Variants in EVC2 observed in about 807,000 individuals in gnomAD.
EVC2 encodes the protein limbin.
EVC2 carries 148 observed loss-of-function variants against 149.3 expected under a neutral mutation model. That is an observed-to-expected ratio of 0.99 (90% CI 0.87 to 1.14). The LOEUF is 1.14. EVC2 is among the 50% of genes most tolerant of loss of function. The probability of loss-of-function intolerance (pLI) is 0.00; values close to 1 mark genes in which losing one functional copy is unlikely to be tolerated. For synonymous variants in EVC2, 776 were observed against 649.9 expected (o/e 1.19, Z -2.95); for missense variants, 1,854 against 1,627.3 (o/e 1.14, Z -2.40).
Position 5,615,392 on chromosome 4 carries a change from G to C in EVC2, c.2829+30C>G, listed in dbSNP as rs1560166290. On this transcript the variant is annotated intron_variant, in intron 16 of 21. Transcript: ENST00000344408. ...AGAGCAGCCCCGCCATGTGCAGAGA[G>C]AAACAGCTGGGTGAAGCAGATGTAC... The C allele has an allele frequency of 2.5e-6, 4 of 1,614,088 alleles. No individual in the cohort carries two copies. In the Admixed American group the frequency reaches 5.0e-5, roughly 20 times the overall value.
intron 8 of EVC2, among the ~76,000 whole-genome samples, chr4:5,664,442 C>T (rs1194659076): frequency 6.6e-6 from 1 of 152,134 alleles, no homozygotes; most frequent in African/African-American, 2.4e-5. Context: ...TATGATCTGC[C>T]TTAATCTCTG....
chr4:5,570,231 C>G (rs1375272289), intron 19 of EVC2, among the ~76,000 whole-genome samples: 2 of 152,218 alleles, frequency 1.3e-5, no homozygotes, highest in Non-Finnish European at 2.9e-5. Context: ...GGGTGACCAA[C>G]AGACATTTGT....
Position 5,622,676 on chromosome 4 carries a change from C to A in EVC2, c.2362G>T (p.Ala788Ser). Residue 788 changes from alanine to serine, a missense_variant, in exon 14 of 22, where the codon GCC becomes TCC. Transcript: ENST00000344408. This position sits in a 1 kb window ranked among gnomAD's most constrained non-coding sequence, Gnocchi z 5.8. ...EEHGKEMAAR[A>S]EQLEGEERDR... ...CTCTCCTCCCCCTCCAGCTGCTCGG[C>A]CCGTGCAGCCATCTCCTTGCCGTGC... 2 of 1,614,132 alleles carry A rather than the reference C, an allele frequency of 1.2e-6. No individual in the cohort carries two copies. Among genetic ancestry groups the A allele is most frequent in the South Asian group, 1.1e-5 (1 of 91,072 alleles).
chr4:5,587,537 T>C (rs1308830139), intron 16 of EVC2, among the ~76,000 whole-genome samples: 3 of 152,214 alleles, frequency 2.0e-5, no homozygotes, highest in South Asian at 2.1e-4. Flanking sequence ...TAAGTACCCA[T>C]GTAGTTACCA....
chr4:5,543,286 C>G (rs1318649903), intron 21 of EVC2: 1 of 1,016,924 alleles, frequency 9.8e-7, no homozygotes, highest in African/African-American at 1.7e-5. Flanking sequence ...CACCATCCAC[C>G]CCAAGCCGGC....
At chr4:5,541,724 T>C (rs958294898), downstream of EVC2, among the ~76,000 whole-genome samples, 1 of 152,170 alleles carries the variant, frequency 6.6e-6, no homozygotes, top group African/African-American at 2.4e-5. Flanking sequence ...AGGTCAGTTA[T>C]CATCTCTGAG....
upstream of EVC2, chr4:5,708,826 T>G: frequency 3.7e-6 from 1 of 268,700 alleles, no homozygotes; most frequent in Non-Finnish European, 6.9e-6. Flanking sequence ...CGCTACCGCC[T>G]ACCTGGGTCT....
chr4:5,650,986 G>C (rs1278112400), intron 9 of EVC2, among the ~76,000 whole-genome samples: 1 of 152,104 alleles, frequency 6.6e-6, no homozygotes, highest in Non-Finnish European at 1.5e-5. Context: ...ATTTTTTACA[G>C]CACAGAAAAG....
At chr4:5,553,230 G>A (rs1721773968) in intron 21 of EVC2, among the ~76,000 whole-genome samples, 1 of 152,146 alleles carries the variant, frequency 6.6e-6, no homozygotes, top group African/African-American at 2.4e-5. Context: ...CCAGGAGCAG[G>A]AGCAAGTGGA....
In EVC2 at chr4:5,584,745, T is replaced by C; in HGVS notation, c.2935A>G (p.Thr979Ala). 6.2e-7 allele frequency: 1 copy of C among 1,614,116 alleles called. No homozygotes were observed. Among genetic ancestry groups the C allele is most frequent in the South Asian group, 1.1e-5 (1 of 91,072 alleles). Residue 979 changes from threonine to alanine, a missense_variant, in exon 17 of 22, where the codon ACC becomes GCC. By Grantham distance (58) the Thr-to-Ala change is moderately conservative. Transcript: ENST00000344408. ...GCGGTGTAGGCCGACAGAGTCTCGG[T>C]CACCCGGGACGCCTTCTGGAACTGC... ...ALQFQKASRVTETLSAYTALL... is the reference protein window; with the variant it reads ...ALQFQKASRVAETLSAYTALL...
At chr4:5,565,172 C>T in intron 21 of EVC2, 86 bp downstream of exon 21, 1 of 1,310,560 alleles carries the variant, frequency 7.6e-7, no homozygotes, top group South Asian at 1.2e-5. Context: ...ACCTCCTTTC[C>T]TTGTCACCTC....
At chr4:5,617,967 G>A (rs1003609430) in intron 15 of EVC2, among the ~76,000 whole-genome samples, 59 of 152,160 alleles carry the variant, frequency 3.9e-4, no homozygotes, top group African/African-American at 1.4e-3. Flanking sequence ...CCAAAGAGTT[G>A]TCTGCCCTCG....
intron 5 of EVC2, among the ~76,000 whole-genome samples, chr4:5,685,937 C>T (rs73067742): frequency 0.14 from 20,967 of 152,216 alleles, 1,626 homozygotes; most frequent in African/African-American, 0.21. Context: ...CTGTTCTCAC[C>T]TAAGCTTGTC....
At chr4:5,589,033 A>G (rs1712549210) in intron 16 of EVC2, among the ~76,000 whole-genome samples, 2 of 152,188 alleles carry the variant, frequency 1.3e-5, no homozygotes, top group African/African-American at 4.8e-5. Flanking sequence ...GAGGAGTTAT[A>G]TTTTCCTATT....
intron 9 of EVC2, among the ~76,000 whole-genome samples, chr4:5,648,608 G>A (rs1717897584): frequency 6.6e-6 from 1 of 152,148 alleles, no homozygotes; most frequent in African/African-American, 2.4e-5. Context: ...AGCACAGTCT[G>A]GCATTTTGTT....
chr4:5,690,065 T>A (rs1414831775), intron 4 of EVC2, among the ~76,000 whole-genome samples: 2 of 152,238 alleles, frequency 1.3e-5, no homozygotes, highest in African/African-American at 4.8e-5. Flanking sequence ...CAGAACTGTG[T>A]GTGTAATATA....
In EVC2 at chr4:5,640,749, T is replaced by C; in HGVS notation, c.1235A>G (p.Lys412Arg). 6.2e-7 allele frequency: 1 copy of C among 1,614,220 alleles called. No individual in the cohort carries two copies. Among genetic ancestry groups the C allele is most frequent in the Non-Finnish European group, 8.5e-7 (1 of 1,180,042 alleles). Reference protein sequence around the residue: ...ISKDIIALLLKNLTSSGHLSP... With the variant: ...ISKDIIALLLRNLTSSGHLSP... ...GAGGTGGCCACTGCTGGTGAGATTT[T>C]TCAGCAGAAGGGCAATGATATCCTT... Residue 412 changes from lysine (K) to arginine (R), a missense_variant, in exon 10 of 22, where the codon AAA becomes AGA. Lys to Arg is a conservative substitution (Grantham distance 26, BLOSUM62 2). Transcript: ENST00000344408. This position sits in a 1 kb window ranked among gnomAD's most constrained non-coding sequence, Gnocchi z 4.6.
chr4:5,631,226 C>CATATAT (rs1286535816), intron 11 of EVC2, among the ~76,000 whole-genome samples: 36 of 152,166 alleles, frequency 2.4e-4, no homozygotes, highest in Admixed American at 1.8e-3. Flanking sequence ...CACATACATG[C>CATATAT]ATATATGTAT....
At chr4:5,689,406 G>T (rs1374110375) in intron 4 of EVC2, 63 bp from the exon 5 acceptor site, 18 of 1,558,604 alleles carry the variant, frequency 1.2e-5, no homozygotes, top group Admixed American at 1.7e-5. Context: ...CTAAAATGGG[G>T]CATGAGCCCA....
Sources: allele counts gnomAD v4.1 joint callset (sites outside exome capture counted in the v4.1 genomes callset), GRCh38; gene constraint gnomAD v4.1.1; non-coding constraint Gnocchi (gnomAD v3.1); transcripts MANE v1.5; gene names NCBI Gene and HGNC (gene_info 2026-07-23, HGNC 2026-07-21).